The following SNW1 variants were observed in gnomAD, a reference collection of about 807,000 sequenced individuals.
The protein encoded by SNW1 is SNW domain-containing protein 1.
Under a neutral mutation model 75.6 loss-of-function variants are expected in SNW1, and 9 were observed. That is an observed-to-expected ratio of 0.12 (90% CI 0.07 to 0.21). The LOEUF (loss-of-function observed/expected upper bound fraction) is 0.21, where lower values mean the gene tolerates loss of function less well. Among genes scored for constraint, SNW1 ranks in the 10% least tolerant of loss-of-function variants. The pLI is 1.00. For missense variants in SNW1, 409 were observed against 670.9 expected, an observed-to-expected ratio of 0.61 and a Z score of 4.31; for synonymous variants, 200 against 219.1, an observed-to-expected ratio of 0.91 and a Z score of 0.77.
chr14:77,731,639 G>T (rs1407677999), intron 9 of SNW1, among the ~76,000 whole-genome samples: 1 of 152,052 alleles, frequency 6.6e-6, no homozygotes, highest in Non-Finnish European at 1.5e-5. Context: ...TTTTTATAAG[G>T]GTACTCACTG....
intron 5 of SNW1, among the ~76,000 whole-genome samples, chr14:77,737,688 T>A (rs558056818): frequency 2.0e-5 from 3 of 152,124 alleles, no homozygotes; most frequent in Non-Finnish European, 4.4e-5. Context: ...AAACAAAAAA[T>A]ATAATTTGAA....
chr14:77,760,863 C>A, intron 1 of SNW1: 1 of 799,738 alleles, frequency 1.3e-6, no homozygotes, highest in Non-Finnish European at 2.1e-6. Flanking sequence ...ACCCACTCTT[C>A]AGTGTCTGAG....
intron 3 of SNW1, 90 bp downstream of exon 3, chr14:77,751,229 T>C (rs1594807847): frequency 7.5e-7 from 1 of 1,336,144 alleles, no homozygotes; most frequent in Non-Finnish European, 1.0e-6. Context: ...ACTTTTAACA[T>C]AATTCAAACA....
At chr14:77,746,238 C>T (rs945648787) in intron 3 of SNW1, among the ~76,000 whole-genome samples, 3 of 152,108 alleles carry the variant, frequency 2.0e-5, no homozygotes, top group Non-Finnish European at 2.9e-5. Context: ...TGCACACTTG[C>T]GTGTATGTGT....
intron 12 of SNW1, among the ~76,000 whole-genome samples, chr14:77,719,959 G>C (rs1260534507): frequency 6.6e-6 from 1 of 152,214 alleles, no homozygotes; most frequent in Non-Finnish European, 1.5e-5. Context: ...GCCCGCGTGT[G>C]TTTTCCCAGG....
At chr14:77,757,711 A>G (rs2080852098) in intron 1 of SNW1, among the ~76,000 whole-genome samples, 2 of 152,210 alleles carry the variant, frequency 1.3e-5, no homozygotes, top group Admixed American at 1.3e-4. Flanking sequence ...GCAGCTCTGC[A>G]GGAATCACGC....
chr14:77,736,882 GT>G, intron 6 of SNW1, 88 bp downstream of exon 6: 1 of 932,320 alleles, frequency 1.1e-6, no homozygotes, highest in Non-Finnish European at 1.7e-6. Context: ...GTATGTACTT[GT>G]TTTTGCCTGG....
At position 77,738,674 on chromosome 14, in the gene SNW1, A is replaced by G. The variant is rs944957892; in HGVS notation, c.533+104T>C. ...AGGCTTTGAGTCATTATTGAAAACA[A>G]TGCATTTATAATGGTTGCTAAGTGG... On this transcript the variant is annotated intron_variant, in intron 5 of 13. Transcript: ENST00000261531. 19 of 760,684 alleles carry G rather than the reference A, an allele frequency of 2.5e-5. No homozygotes were observed. In the East Asian group the frequency reaches 4.4e-4, roughly 18 times the overall value. 47.1% of individuals were successfully genotyped at this position (760,684 alleles called of 1,614,324 possible). A position where few individuals can be genotyped will look rare whatever the true frequency, so the allele number is the denominator to read the frequency against.
At chr14:77,752,284 C>A (rs191732859) in intron 2 of SNW1, among the ~76,000 whole-genome samples, 39 of 152,196 alleles carry the variant, frequency 2.6e-4, no homozygotes, top group African/African-American at 6.0e-4. Context: ...AATGAGTTTA[C>A]TACATTTCTA....
intron 3 of SNW1, among the ~76,000 whole-genome samples, chr14:77,741,442 C>T (rs1018985969): frequency 1.3e-5 from 2 of 152,162 alleles, no homozygotes; most frequent in African/African-American, 4.8e-5. Flanking sequence ...CCAGAAAAAA[C>T]TATCTCATGG....
At chr14:77,742,078 C>A (rs2080723652) in intron 3 of SNW1, among the ~76,000 whole-genome samples, 1 of 151,856 alleles carries the variant, frequency 6.6e-6, no homozygotes, top group Non-Finnish European at 1.5e-5. Context: ...GTTGCCCAAG[C>A]TGGAGTGCAA....
At chr14:77,760,958 T>A in intron 1 of SNW1, 156 bp downstream of exon 1, 2 of 1,553,398 alleles carry the variant, frequency 1.3e-6, no homozygotes, top group Non-Finnish European at 1.8e-6. Flanking sequence ...CTAGGCCTAG[T>A]CGTAGCGGCG....
At chr14:77,728,204 C>T (rs182243083) in intron 10 of SNW1, among the ~76,000 whole-genome samples, 253 of 152,144 alleles carry the variant, frequency 1.7e-3, no homozygotes, top group Middle Eastern at 0.01. Flanking sequence ...AATCCCAGCA[C>T]TTTGAGAGGC....
intron 1 of SNW1, 143 bp from the exon 2 acceptor site, chr14:77,755,263 G>A (rs879127566): frequency 1.4e-6 from 1 of 696,710 alleles, no homozygotes. Context: ...ATTTATGGTA[G>A]TACTCAATAC....
intron 3 of SNW1, among the ~76,000 whole-genome samples, chr14:77,742,024 T>TA (rs2080723007): frequency 6.6e-6 from 1 of 151,424 alleles, no homozygotes; most frequent in Non-Finnish European, 1.5e-5. Flanking sequence ...TAATTAATTA[T>TA]AAAACCCCCC....
intron 1 of SNW1, among the ~76,000 whole-genome samples, chr14:77,759,361 A>C (rs2080867560): frequency 6.6e-6 from 1 of 151,828 alleles, no homozygotes; most frequent in Non-Finnish European, 1.5e-5. Flanking sequence ...AAAAAACAAA[A>C]ATTAACTGGG....
chr14:77,738,152 CAAA>C (rs1225202749), intron 5 of SNW1, among the ~76,000 whole-genome samples: 4 of 151,526 alleles, frequency 2.6e-5, no homozygotes, highest in African/African-American at 9.7e-5. Flanking sequence ...AAAAAAAATA[CAAA>C]AATTAGCCAG....
At chr14:77,755,631 C>A (rs2080837488) in intron 1 of SNW1, among the ~76,000 whole-genome samples, 1 of 152,058 alleles carries the variant, frequency 6.6e-6, no homozygotes, top group African/African-American at 2.4e-5. Context: ...GTTGGCCAGG[C>A]TGGTCTTGAA....
chr14:77,761,118 T>G lies in SNW1; in HGVS notation c.10A>C (p.Thr4Pro). 1.9e-6 allele frequency: 3 copies of G among 1,614,226 alleles called. No individual in the cohort carries two copies. Among genetic ancestry groups the G allele is most frequent in the Non-Finnish European group, 2.5e-6 (3 of 1,180,044 alleles). ...GGACCCCAATCAACAACCCACCTGG[T>G]GAGCGCCATCTTCTTCCGCTTCTTC... MAL[T>P]SFLPAPTQLS... The change falls in exon 1 of 14, where the codon ACC (threonine) becomes CCC (proline). Residue 4 changes from threonine (T) to proline (P), a missense_variant. Physicochemically the swap from Thr to Pro is conservative, Grantham distance 38. Coordinates refer to ENST00000261531, the MANE Select transcript of SNW1 (RefSeq NM_012245.3).
Sources: gnomAD v4.1 joint callset for allele counts (sites outside exome capture counted in the v4.1 genomes callset) on GRCh38, gnomAD v4.1.1 for gene constraint, MANE v1.5 for transcripts, NCBI Gene and HGNC (gene_info 2026-07-23, HGNC 2026-07-21) for gene names.